Variants in BPI observed in about 807,000 individuals in gnomAD.
BPI encodes bactericidal permeability increasing protein.
A neutral mutation model predicts 57.6 loss-of-function variants in BPI; 48 were observed. That is an observed-to-expected ratio of 0.83 (90% CI 0.66 to 1.06). The LOEUF is 1.06. Among genes scored for constraint, BPI ranks in the 50% least tolerant of loss-of-function variants. The pLI is 0.00. For missense variants in BPI, 651 were observed against 609.7 expected (o/e 1.07, Z -0.71); for synonymous variants, 237 against 238.2 (o/e 0.99, Z 0.05).
intron 5 of BPI, among the ~76,000 whole-genome samples, chr20:38,312,831 A>T (rs985519819): frequency 9.2e-5 from 14 of 152,254 alleles, no homozygotes; most frequent in Admixed American, 7.8e-4. Context: ...AAAGCTTAAA[A>T]AGCAAGAAGT....
chr20:38,320,207 C>T lies in BPI; in HGVS notation c.689C>T (p.Ala230Val). Reference sequence around the variant, plus strand: ...GTAATGACCAAAATAGATTCTGTGGCTGGAATCAACTATGGTCTGGTGGCA... The same window carrying T: ...GTAATGACCAAAATAGATTCTGTGGTTGGAATCAACTATGGTCTGGTGGCA... ...LPVMTKIDSV[A>V]GINYGLVAPP... The change falls in exon 7 of 15, where the codon GCT becomes GTT. Residue 230 changes from alanine (A) to valine (V), a missense_variant. Physicochemically the swap from Ala to Val is moderately conservative, Grantham distance 64. Transcript: ENST00000642449. 3 of 1,614,110 alleles carry T rather than the reference C, an allele frequency of 1.9e-6. No individual in the cohort carries two copies. Among genetic ancestry groups the T allele is most frequent in the Non-Finnish European group, 1.7e-6 (2 of 1,180,002 alleles).
At chr20:38,305,803 C>T (rs184698507) in intron 1 of BPI, among the ~76,000 whole-genome samples, 196 of 152,288 alleles carry the variant, frequency 1.3e-3, no homozygotes, top group African/African-American at 4.4e-3. Context: ...CATACATATA[C>T]GGAGCCTAGA....
At chr20:38,307,067 C>A (rs74534525) in intron 1 of BPI, among the ~76,000 whole-genome samples, 2,923 of 151,934 alleles carry the variant, frequency 0.019, 37 homozygotes, top group Middle Eastern at 0.1. Context: ...GGTGTGGTGG[C>A]GAACACCTGT....
intron 5 of BPI, among the ~76,000 whole-genome samples, chr20:38,312,555 CAA>C (rs2076626846): frequency 6.6e-6 from 1 of 152,178 alleles, no homozygotes; most frequent in Non-Finnish European, 1.5e-5. Context: ...TCTCAAAAAG[CAA>C]AGAGTTTTGC....
intron 7 of BPI, among the ~76,000 whole-genome samples, chr20:38,322,816 G>T (rs2076693224): frequency 6.6e-6 from 1 of 152,150 alleles, no homozygotes; most frequent in Non-Finnish European, 1.5e-5. Flanking sequence ...CACCGTGTTG[G>T]CCAGGCTAAT....
intron 12 of BPI, among the ~76,000 whole-genome samples, chr20:38,332,827 T>C (rs960006887): frequency 1.3e-5 from 2 of 152,066 alleles, no homozygotes; most frequent in Non-Finnish European, 2.9e-5. Flanking sequence ...GTTGCCCCTG[T>C]TAGTAGTAAG....
Position 38,331,032 on chromosome 20 carries a change from C to T in BPI, c.1230-16C>T. The T allele has an allele frequency of 6.2e-7, 1 of 1,613,982 alleles. No homozygotes were observed. The highest frequency in any genetic ancestry group is 8.5e-7 in the Non-Finnish European group (1 of 1,179,892). On this transcript the variant is annotated splice_polypyrimidine_tract_variant and intron_variant, in intron 11 of 14. Coordinates refer to ENST00000642449, the MANE Select transcript of BPI (RefSeq NM_001725.3). ...AGGCAATTGGTGGTCTCAGTCCCCT[C>T]CTCCCCCTCTCACAGGCTGCTCCTG...
At chr20:38,305,691 C>G (rs2076593529) in intron 1 of BPI, among the ~76,000 whole-genome samples, 2 of 152,310 alleles carry the variant, frequency 1.3e-5, no homozygotes, top group South Asian at 4.1e-4. Flanking sequence ...CCCTTGTCCG[C>G]TGTGTGGCCC....
intron 7 of BPI, 30 bp from the exon 8 acceptor site, chr20:38,323,840 C>G (rs763069686): frequency 8.7e-6 from 14 of 1,603,106 alleles, no homozygotes; most frequent in Non-Finnish European, 1.2e-5. Context: ...TGAAGAATAT[C>G]TGGGCTCACT....
At chr20:38,320,659 A>AACACAC (rs1389521054) in intron 7 of BPI, among the ~76,000 whole-genome samples, 3 of 47,350 alleles carry the variant, frequency 6.3e-5, no homozygotes, top group South Asian at 1.7e-3. Flanking sequence ...CTTTATTACC[A>AACACAC]ATACACACAC....
intron 6 of BPI, chr20:38,319,836 T>A (rs1013877186): frequency 4.7e-6 from 1 of 213,800 alleles, no homozygotes; most frequent in African/African-American, 2.6e-5. Flanking sequence ...TCACTAGGAT[T>A]CTCTCTGTTC....
intron 4 of BPI, 126 bp from the exon 5 acceptor site, chr20:38,311,748 T>C: frequency 1.2e-6 from 1 of 819,998 alleles, no homozygotes; most frequent in East Asian, 2.5e-5. Context: ...CAGTTAGAGC[T>C]CAGAGGAGAG....
rs113282371 is a variant in BPI, at chr20:38,330,682, T to C, written c.1230-366T>C. 2.4e-3 allele frequency among the ~76,000 whole-genome samples: 361 copies of C among 152,306 alleles called. 4 individuals carry two copies. The highest frequency in any genetic ancestry group is 8.3e-3 in the African/African-American group (343 of 41,556). On this transcript the variant is annotated intron_variant, in intron 11 of 14. Transcript: ENST00000642449. ...AAAATAGTCACCAGGAGCTTCCTTA[T>C]TTTCCCAGAGAAAAGAGAATACCTT...
intron 12 of BPI, among the ~76,000 whole-genome samples, chr20:38,333,386 T>C (rs2076751508): frequency 1.3e-5 from 2 of 152,292 alleles, no homozygotes; most frequent in Admixed American, 6.5e-5. Flanking sequence ...ATGTCACAAC[T>C]ACAGGCAAGC....
At chr20:38,312,085 T>C in intron 5 of BPI, 148 bp downstream of exon 5, 1 of 761,174 alleles carries the variant, frequency 1.3e-6, no homozygotes, top group Non-Finnish European at 2.2e-6. Flanking sequence ...AGCTCTAAAA[T>C]CCTGTCATGT....
chr20:38,319,992 G>A, intron 6 of BPI, 191 bp from the exon 7 acceptor site: 2 of 597,804 alleles, frequency 3.3e-6, no homozygotes, highest in South Asian at 2.0e-5. Flanking sequence ...GTAAGGGGGT[G>A]TCTGTGAATG....
At chr20:38,311,025 G>A (rs535978659) in intron 4 of BPI, among the ~76,000 whole-genome samples, 44 of 152,358 alleles carry the variant, frequency 2.9e-4, no homozygotes, top group African/African-American at 1.1e-3. Flanking sequence ...AACATGGTCA[G>A]GAAACAGGAG....
At position 38,304,218 on chromosome 20, in the gene BPI, G is replaced by A. The variant is rs199723457; in HGVS notation, c.-6G>A. On this transcript the variant is annotated 5_prime_UTR_variant, in exon 1 of 15. Transcript: ENST00000642449. ...GTTTTGGCAGCTCTGGAGGATGAGA[G>A]AGAACATGGCCAGGGGCCCTTGCAA... 9.9e-6 allele frequency: 16 copies of A among 1,614,150 alleles called. No homozygotes were observed. The African/African-American group carries it at 1.6e-4, about 16-fold the overall frequency.
rs568900569 is a variant in BPI, at chr20:38,305,602, G to A, written c.130+1249G>A. Reference sequence around the variant, plus strand: ...CCCTCCACACAGTGACCAGTTATGTGTCATTTACTTTTGAACCCCCAGAAA... The same window carrying A: ...CCCTCCACACAGTGACCAGTTATGTATCATTTACTTTTGAACCCCCAGAAA... On this transcript the variant is annotated intron_variant, in intron 1 of 14. Coordinates refer to ENST00000642449, the MANE Select transcript of BPI (RefSeq NM_001725.3). Among the ~76,000 whole-genome samples, 190 of 152,144 alleles carry A rather than the reference G, an allele frequency of 1.2e-3. 1 individual carries two copies. The highest frequency in any genetic ancestry group is 4.5e-3 in the African/African-American group (185 of 41,486).
Sources: allele counts gnomAD v4.1 joint callset (sites outside exome capture counted in the v4.1 genomes callset), GRCh38; gene constraint gnomAD v4.1.1; transcripts MANE v1.5; gene names NCBI Gene and HGNC (gene_info 2026-07-23, HGNC 2026-07-21).